Variants in GRIA4 observed in about 807,000 individuals in gnomAD.
GRIA4 encodes the protein glutamate receptor 4.
A neutral mutation model predicts 104.0 loss-of-function variants in GRIA4; 34 were observed. The ratio of observed to expected loss-of-function variants is 0.33; its 90% CI spans 0.25 to 0.44. The LOEUF (loss-of-function observed/expected upper bound fraction) is 0.44. Ranked by LOEUF, GRIA4 falls within the 20% of genes least tolerant of loss-of-function variation. The pLI is 1.00. For synonymous variants in GRIA4, 386 were observed against 381.9 expected, an observed-to-expected ratio of 1.01 and a Z score of -0.13; for missense variants, 750 against 1,096.5, an observed-to-expected ratio of 0.68 and a Z score of 4.46.
chr11:105,821,434 T>C (rs1188759626), intron 4 of GRIA4, among the ~76,000 whole-genome samples: 1 of 151,986 alleles, frequency 6.6e-6, no homozygotes, highest in Non-Finnish European at 1.5e-5. Context: ...ACAGGAAGCA[T>C]AGTCCTGGCA....
chr11:105,819,805 G>A (rs1943512618), intron 4 of GRIA4, among the ~76,000 whole-genome samples: 2 of 152,020 alleles, frequency 1.3e-5, no homozygotes, highest in African/African-American at 4.8e-5. Context: ...ATGATATGTT[G>A]AAATTCTCAC....
At chr11:105,875,536 T>C (rs1224256103) in intron 5 of GRIA4, among the ~76,000 whole-genome samples, 1 of 152,182 alleles carries the variant, frequency 6.6e-6, no homozygotes, top group Non-Finnish European at 1.5e-5. Context: ...TGTGAATCTG[T>C]CTGGTCCTGG....
chr11:105,652,166 G>T (rs1403067180), intron 3 of GRIA4, among the ~76,000 whole-genome samples: 1 of 151,978 alleles, frequency 6.6e-6, no homozygotes, highest in Non-Finnish European at 1.5e-5. Flanking sequence ...ATTAAGAAGA[G>T]GACTCAAGGA....
chr11:105,677,488 G>C (rs1181831377), intron 3 of GRIA4, among the ~76,000 whole-genome samples: 1 of 151,698 alleles, frequency 6.6e-6, no homozygotes, highest in Non-Finnish European at 1.5e-5. Flanking sequence ...TTAGAACTAG[G>C]AATTTTTTTC....
intron 14 of GRIA4, among the ~76,000 whole-genome samples, chr11:105,942,158 TGAAG>T (rs1407965534): frequency 6.6e-6 from 1 of 152,026 alleles, no homozygotes; most frequent in African/African-American, 2.4e-5. Context: ...GGCTTATATC[TGAAG>T]CTAGTCAGAG....
rs866193940 is a variant in GRIA4 at position 105,767,450 on chromosome 11, T to C, written c.487+14230T>C. ...AAGGAGGGGAAATCTCTAGCATGTT[T>C]TGTTCTAAATTTACCAGGCTTAGCC... On this transcript the variant is annotated intron_variant, in intron 4 of 16. Transcript: ENST00000282499. Among the ~76,000 whole-genome samples the C allele has an allele frequency of 3.6e-4, 55 of 152,296 alleles. 1 individual carries two copies. In the Middle Eastern group the frequency reaches 0.01, roughly 28 times the overall value.
chr11:105,629,957 G>C (rs367742435), intron 3 of GRIA4, among the ~76,000 whole-genome samples: 77 of 152,302 alleles, frequency 5.1e-4, no homozygotes, highest in African/African-American at 1.7e-3. Context: ...ACAAGCATTT[G>C]TCATCGTCAA....
At chr11:105,837,868 G>A (rs1212641143) in intron 4 of GRIA4, among the ~76,000 whole-genome samples, 1 of 152,082 alleles carries the variant, frequency 6.6e-6, no homozygotes, top group East Asian at 1.9e-4. Flanking sequence ...AGTGCTAGGT[G>A]AGGAAACATG....
At chr11:105,851,425 T>A (rs1017713474) in intron 4 of GRIA4, among the ~76,000 whole-genome samples, 1 of 152,162 alleles carries the variant, frequency 6.6e-6, no homozygotes, top group Non-Finnish European at 1.5e-5. Flanking sequence ...AAGTAGCACA[T>A]AGGACTTATT....
At chr11:105,882,828 T>G (rs1946112954) in intron 5 of GRIA4, among the ~76,000 whole-genome samples, 1 of 152,200 alleles carries the variant, frequency 6.6e-6, no homozygotes, top group Non-Finnish European at 1.5e-5. Context: ...TAAATTGAAC[T>G]GAAAAGTGAA....
rs1282485867 is a variant in GRIA4, at chr11:105,903,986, C to G, written c.1053+5C>G. 7.0e-6 allele frequency: 11 copies of G among 1,573,864 alleles called. No individual in the cohort carries two copies. The highest frequency in any genetic ancestry group is 9.5e-6 in the Non-Finnish European group (11 of 1,157,548). On this transcript the variant is annotated splice_donor_5th_base_variant and intron_variant, in intron 8 of 16. Coordinates refer to ENST00000282499, the MANE Select transcript of GRIA4 (RefSeq NM_000829.4). ...ATGGAGAGGACACTCAAACAGGTAACTCACAATTTTATTTAAGTTCAATTC... is the reference window on the plus strand; with the variant it reads ...ATGGAGAGGACACTCAAACAGGTAAGTCACAATTTTATTTAAGTTCAATTC...
intron 14 of GRIA4, among the ~76,000 whole-genome samples, chr11:105,969,782 A>AAAAAGCTTGCTCTG (rs1323325544): frequency 2.0e-5 from 3 of 152,190 alleles, no homozygotes; most frequent in Non-Finnish European, 4.4e-5. Context: ...CAGTTCAAGA[A>AAAAAGCTTGCTCTG]AAAAGCTTGC....
intron 4 of GRIA4, among the ~76,000 whole-genome samples, chr11:105,762,927 A>T (rs1940737511): frequency 6.6e-6 from 1 of 152,224 alleles, no homozygotes; most frequent in Non-Finnish European, 1.5e-5. Flanking sequence ...ATGCATCTTA[A>T]CAGATTATAC....
chr11:105,751,037 G>C (rs1939966071), intron 3 of GRIA4, among the ~76,000 whole-genome samples: 1 of 152,112 alleles, frequency 6.6e-6, no homozygotes, highest in East Asian at 1.9e-4. Context: ...ATAAGTTAAA[G>C]TACACGACTT....
intron 4 of GRIA4, among the ~76,000 whole-genome samples, chr11:105,843,352 T>C (rs1944463195): frequency 6.6e-6 from 1 of 152,240 alleles, no homozygotes; most frequent in Admixed American, 6.5e-5. Context: ...CTACTGGGTT[T>C]ATTTAAAGTT....
At chr11:105,876,242 C>A (rs1360145004) in intron 5 of GRIA4, among the ~76,000 whole-genome samples, 1 of 152,104 alleles carries the variant, frequency 6.6e-6, no homozygotes, top group Non-Finnish European at 1.5e-5. Context: ...GTTTCTTAAT[C>A]CTGAGTTCTA....
chr11:105,651,558 G>A (rs1464226527), intron 3 of GRIA4, among the ~76,000 whole-genome samples: 3 of 152,068 alleles, frequency 2.0e-5, no homozygotes, highest in South Asian at 2.1e-4. Context: ...GCTGGGTTAT[G>A]CCTGAACTGT....
chr11:105,845,611 G>A (rs534161104), intron 4 of GRIA4, among the ~76,000 whole-genome samples: 12 of 152,296 alleles, frequency 7.9e-5, no homozygotes, highest in African/African-American at 1.7e-4. Context: ...GGCCGGGCAC[G>A]GTGGCTCACG....
chr11:105,784,351 C>G (rs1224441550), intron 4 of GRIA4, among the ~76,000 whole-genome samples: 1 of 152,184 alleles, frequency 6.6e-6, no homozygotes, highest in African/African-American at 2.4e-5. Context: ...GTAAATCCCT[C>G]ATCATTTCTG....
Sources: allele counts gnomAD v4.1 joint callset (sites outside exome capture counted in the v4.1 genomes callset), GRCh38; gene constraint gnomAD v4.1.1; transcripts MANE v1.5; gene names NCBI Gene and HGNC (gene_info 2026-07-23, HGNC 2026-07-21).